The following GDPD4 variants were observed in gnomAD, a reference collection of about 807,000 sequenced individuals.
The protein encoded by GDPD4 is glycerophosphodiester phosphodiesterase domain containing 4.
A neutral mutation model predicts 67.8 loss-of-function variants in GDPD4; 60 were observed. The ratio of observed to expected loss-of-function variants is 0.88; its 90% CI spans 0.72 to 1.10. The LOEUF is 1.10. Among genes scored for constraint, GDPD4 ranks in the 50% least tolerant of loss-of-function variants. The pLI, the probability that GDPD4 is intolerant of heterozygous loss-of-function variation, is 0.00. For missense variants in GDPD4, 623 were observed against 613.9 expected (o/e 1.01, Z -0.16); for synonymous variants, 212 against 210.9 (o/e 1.00, Z -0.04).
intron 16 of GDPD4, among the ~76,000 whole-genome samples, chr11:77,224,639 C>T (rs1198626858): frequency 6.6e-6 from 1 of 152,190 alleles, no homozygotes; most frequent in Non-Finnish European, 1.5e-5. Context: ...ATTCTGCTAA[C>T]AAGCAGTGAG....
chr11:77,300,752 T>G (rs1938133145), intron 1 of GDPD4, among the ~76,000 whole-genome samples: 1 of 152,008 alleles, frequency 6.6e-6, no homozygotes, highest in Non-Finnish European at 1.5e-5. Context: ...TAACTGGAAA[T>G]CAGTAAGAAA....
intron 2 of GDPD4, among the ~76,000 whole-genome samples, chr11:77,286,517 G>A (rs1565544257): frequency 6.6e-6 from 1 of 152,118 alleles, no homozygotes; most frequent in African/African-American, 2.4e-5. Context: ...CTTTCCTTGT[G>A]TTCCCCACCT....
chr11:77,218,628 G>C (rs1025974090), intron 16 of GDPD4, among the ~76,000 whole-genome samples: 5 of 152,176 alleles, frequency 3.3e-5, no homozygotes, highest in African/African-American at 1.2e-4. Context: ...CTATGAGTGA[G>C]AACATGCGGT....
At chr11:77,271,437 T>G (rs762500243) in intron 5 of GDPD4, 44 bp from the exon 6 acceptor site, 16 of 1,201,754 alleles carry the variant, frequency 1.3e-5, no homozygotes, top group Non-Finnish European at 1.9e-5. Flanking sequence ...AGCACTAGGC[T>G]TGGATCAGAA....
At chr11:77,278,544 C>T (rs1201131554) in intron 4 of GDPD4, among the ~76,000 whole-genome samples, 1 of 152,182 alleles carries the variant, frequency 6.6e-6, no homozygotes. Context: ...CTTCTCACAA[C>T]GTTCTGCTCA....
At chr11:77,235,502 C>T (rs139492430) in intron 13 of GDPD4, among the ~76,000 whole-genome samples, 216 of 152,126 alleles carry the variant, frequency 1.4e-3, no homozygotes, top group African/African-American at 4.8e-3. Context: ...GGAACAGAAC[C>T]GAAAACCATA....
chr11:77,217,136 T>G lies in GDPD4; in HGVS notation c.*141A>C, dbSNP rs1308054428. 1.3e-6 allele frequency: 1 copy of G among 743,220 alleles called. No individual in the cohort carries two copies. Among genetic ancestry groups the G allele is most frequent in the Non-Finnish European group, 2.5e-6 (1 of 402,600 alleles). 46.0% of individuals were successfully genotyped at this position (743,220 alleles called of 1,614,324 possible). ...GACAGCATTCTTGATAGGTAGTAGT[T>G]TCTTGGATGGTGCTGCAAAATTGAA... On this transcript the variant is annotated 3_prime_UTR_variant, in exon 17 of 17. Coordinates refer to ENST00000315938, the MANE Select transcript of GDPD4 (RefSeq NM_182833.3).
At chr11:77,242,737 A>G (rs1958694147) in intron 13 of GDPD4, among the ~76,000 whole-genome samples, 1 of 152,160 alleles carries the variant, frequency 6.6e-6, no homozygotes, top group Non-Finnish European at 1.5e-5. Flanking sequence ...ATAGAAGAGT[A>G]GTTGAGTAAA....
At chr11:77,222,873 AAATGT>A (rs1410981041) in intron 16 of GDPD4, among the ~76,000 whole-genome samples, 52 of 152,308 alleles carry the variant, frequency 3.4e-4, no homozygotes, top group Admixed American at 2.6e-3. Context: ...TACACCAATC[AAATGT>A]AGATTTGGTC....
chr11:77,295,911 T>C (rs1937937901), intron 1 of GDPD4, among the ~76,000 whole-genome samples: 2 of 152,188 alleles, frequency 1.3e-5, no homozygotes, highest in Admixed American at 1.3e-4. Flanking sequence ...TGCAGAATTA[T>C]ACACTAAATA....
intron 11 of GDPD4, among the ~76,000 whole-genome samples, chr11:77,250,588 C>A (rs1428319141): frequency 2.0e-5 from 3 of 152,158 alleles, no homozygotes; most frequent in Non-Finnish European, 4.4e-5. Context: ...TACACATGGT[C>A]TGTCCTGGAG....
chr11:77,246,632 A>G (rs1306139069), intron 11 of GDPD4, among the ~76,000 whole-genome samples: 2 of 152,200 alleles, frequency 1.3e-5, no homozygotes, highest in Non-Finnish European at 2.9e-5. Flanking sequence ...AATAACCTAT[A>G]TATTTCTTAG....
intron 13 of GDPD4, among the ~76,000 whole-genome samples, chr11:77,235,838 C>A (rs1272141461): frequency 2.0e-5 from 3 of 151,926 alleles, no homozygotes; most frequent in Admixed American, 1.3e-4. Context: ...TGCCTATAGT[C>A]CTAACTACTG....
At chr11:77,286,455 G>A (rs1031811692) in intron 2 of GDPD4, among the ~76,000 whole-genome samples, 1 of 152,130 alleles carries the variant, frequency 6.6e-6, no homozygotes, top group African/African-American at 2.4e-5. Context: ...AGATACAGTG[G>A]GGACAGAAGA....
intron 1 of GDPD4, among the ~76,000 whole-genome samples, chr11:77,288,797 C>G (rs1937660360): frequency 6.6e-6 from 1 of 152,016 alleles, no homozygotes; most frequent in African/African-American, 2.4e-5. Flanking sequence ...AATTATCCAG[C>G]AAGAGATTCC....
At chr11:77,219,538 T>G (rs1958187128) in intron 16 of GDPD4, among the ~76,000 whole-genome samples, 2 of 152,252 alleles carry the variant, frequency 1.3e-5, no homozygotes, top group African/African-American at 4.8e-5. Flanking sequence ...TTACTCCATC[T>G]TGAATTAATT....
In GDPD4 at chr11:77,279,402, G is replaced by GAAAAAAAA; in HGVS notation, c.54-11_54-4dup. ...ATCCTGTTCCTAGAAAAGTGACCCTGAAAAAAAATGTGTTTCAGTTCTTAA... is the reference window on the plus strand; with the variant it reads ...ATCCTGTTCCTAGAAAAGTGACCCTGAAAAAAAAAAAAAAAATGTGTTTCAGTTCTTAA... On this transcript the variant is annotated splice_polypyrimidine_tract_variant and splice_region_variant and intron_variant, in intron 3 of 16. Coordinates refer to ENST00000315938, the MANE Select transcript of GDPD4 (RefSeq NM_182833.3). 6.3e-7 allele frequency: 1 copy of GAAAAAAAA among 1,576,012 alleles called. No individual in the cohort carries two copies. Among genetic ancestry groups the GAAAAAAAA allele is most frequent in the Non-Finnish European group, 8.7e-7 (1 of 1,147,800 alleles).
chr11:77,270,198 T>C (rs1446999299), intron 7 of GDPD4, among the ~76,000 whole-genome samples: 2 of 152,210 alleles, frequency 1.3e-5, no homozygotes. Flanking sequence ...TCCTATTGGT[T>C]TATCCATAGA....
Position 77,235,009 on chromosome 11 carries a change from G to GTTTTTTTTTTTTTTTTTTTTTT in GDPD4, c.1242-1859_1242-1838dup, listed in dbSNP as rs57989259. Among the ~76,000 whole-genome samples the GTTTTTTTTTTTTTTTTTTTTTT allele has an allele frequency of 9.2e-4, 48 of 52,262 alleles. 10 individuals carry two copies. The highest frequency in any genetic ancestry group is 1.3e-3 in the Non-Finnish European group (34 of 27,084). The allele number at this position is 52,262 out of a possible 152,430, so 34.3% of individuals were successfully genotyped here. The stretch of plus-strand genomic sequence containing the variant: ...TCTCTCTGCAACCTTGTCAATATCT[G>GTTTTTTTTTTTTTTTTTTTTTT]TTTTTTTTTTTTTTTTTTTTTTTTT... On this transcript the variant is annotated intron_variant, in intron 13 of 16. Transcript: ENST00000315938.
Sources: gnomAD v4.1 joint callset for allele counts (sites outside exome capture counted in the v4.1 genomes callset) on GRCh38, gnomAD v4.1.1 for gene constraint, MANE v1.5 for transcripts, NCBI Gene and HGNC (gene_info 2026-07-23, HGNC 2026-07-21) for gene names.